The following EPB41L4A variants were observed in gnomAD, a reference collection of about 807,000 sequenced individuals.
The protein encoded by EPB41L4A is band 4.1-like protein 4A.
A neutral mutation model predicts 108.6 loss-of-function variants in EPB41L4A; 100 were observed. The observed-to-expected ratio is 0.92, with a 90% CI of 0.78 to 1.09. The LOEUF is 1.09. Among genes scored for constraint, EPB41L4A ranks in the 50% least tolerant of loss-of-function variants. The pLI is 0.00. For missense variants in EPB41L4A, 1,030 were observed against 842.7 expected, an observed-to-expected ratio of 1.22 and a Z score of -2.75; for synonymous variants, 319 against 289.0, an observed-to-expected ratio of 1.10 and a Z score of -1.05.
intron 1 of EPB41L4A, among the ~76,000 whole-genome samples, chr5:112,384,302 T>G (rs958018740): frequency 6.6e-6 from 1 of 152,210 alleles, no homozygotes; most frequent in Non-Finnish European, 1.5e-5. Context: ...TAGATGACTA[T>G]TCTGAAAAGG....
intron 1 of EPB41L4A, among the ~76,000 whole-genome samples, chr5:112,313,937 C>T (rs570783305): frequency 1.2e-4 from 17 of 145,172 alleles, no homozygotes; most frequent in African/African-American, 4.4e-4. Context: ...AATCTCCGCT[C>T]ACTGCAAGCT....
intron 12 of EPB41L4A, among the ~76,000 whole-genome samples, chr5:112,155,106 A>G (rs1759603770): frequency 6.6e-6 from 1 of 152,174 alleles, no homozygotes; most frequent in Non-Finnish European, 1.5e-5. Context: ...TTAAAAGTGG[A>G]ATTTTTTAAT....
At chr5:112,365,223 T>A (rs1334005979) in intron 1 of EPB41L4A, among the ~76,000 whole-genome samples, 2 of 152,196 alleles carry the variant, frequency 1.3e-5, no homozygotes, top group Non-Finnish European at 2.9e-5. Context: ...AGGGTCTCGC[T>A]ACATGGCCCA....
At chr5:112,322,760 T>C (rs777926583) in intron 1 of EPB41L4A, among the ~76,000 whole-genome samples, 21 of 151,672 alleles carry the variant, frequency 1.4e-4, no homozygotes, top group Non-Finnish European at 3.1e-4. Context: ...CACACCTGTC[T>C]TCCACTACTT....
intron 9 of EPB41L4A, among the ~76,000 whole-genome samples, chr5:112,254,899 T>C (rs1750962951): frequency 6.6e-6 from 1 of 152,094 alleles, no homozygotes; most frequent in African/African-American, 2.4e-5. Context: ...TGTTCTCTCA[T>C]ATGTCCTTCA....
chr5:112,418,897 C>A (rs1162191804), intron 1 of EPB41L4A, 44 bp downstream of exon 1: 1 of 1,514,694 alleles, frequency 6.6e-7, no homozygotes, highest in Non-Finnish European at 9.2e-7. Context: ...CCCCCGCACC[C>A]GCCCTGCCGC....
At chr5:112,216,742 G>T (rs1747670591) in intron 12 of EPB41L4A, among the ~76,000 whole-genome samples, 1 of 152,114 alleles carries the variant, frequency 6.6e-6, no homozygotes, top group Admixed American at 6.6e-5. Flanking sequence ...CAAAAGACAT[G>T]ATATTTGTGA....
At position 112,354,763 on chromosome 5, in the gene EPB41L4A, T is replaced by A. The variant is rs193034517; in HGVS notation, c.100-47273A>T. ...CCACAGATTAACAGTATATACTTTA[T>A]GATTCACAATTGATCTAGTTCAAAC... is the stretch of plus-strand genomic sequence containing the variant. On this transcript the variant is annotated intron_variant, in intron 1 of 22. Transcript: ENST00000261486. Among the ~76,000 whole-genome samples, 19 of 152,348 alleles carry A rather than the reference T, an allele frequency of 1.2e-4. No individual in the cohort carries two copies. The East Asian group carries it at 2.9e-3, about 23-fold the overall frequency.
At chr5:112,361,281 G>C (rs924987948) in intron 1 of EPB41L4A, among the ~76,000 whole-genome samples, 2 of 152,070 alleles carry the variant, frequency 1.3e-5, no homozygotes, top group African/African-American at 4.8e-5. Flanking sequence ...GATTAAGGGC[G>C]GTGCAAGATG....
intron 2 of EPB41L4A, among the ~76,000 whole-genome samples, chr5:112,286,540 T>A (rs567061629): frequency 2.6e-4 from 40 of 152,280 alleles, no homozygotes; most frequent in Admixed American, 2.0e-3. Flanking sequence ...TCACTGAAAA[T>A]GGAAACAATC....
chr5:112,184,624 G>C (rs777503565), intron 17 of EPB41L4A, among the ~76,000 whole-genome samples: 11 of 152,136 alleles, frequency 7.2e-5, no homozygotes, highest in Non-Finnish European at 1.3e-4. Flanking sequence ...GAGAAATCTA[G>C]AAGTACAAAA....
At chr5:112,371,415 G>A (rs1759487375) in intron 1 of EPB41L4A, among the ~76,000 whole-genome samples, 1 of 152,084 alleles carries the variant, frequency 6.6e-6, no homozygotes. Context: ...CAAAACATCT[G>A]GTAGCACCAA....
intron 1 of EPB41L4A, among the ~76,000 whole-genome samples, chr5:112,404,580 T>C (rs1761973608): frequency 6.6e-6 from 1 of 152,186 alleles, no homozygotes; most frequent in African/African-American, 2.4e-5. Context: ...AGCTAGGAAA[T>C]GAAGGAGCTG....
Position 112,151,416 on chromosome 5 carries a change from A to T in EPB41L4A, n.995-5418T>A, listed in dbSNP as rs920068220. Among the ~76,000 whole-genome samples the T allele has an allele frequency of 5.3e-5, 8 of 149,980 alleles. No individual in the cohort carries two copies. In the East Asian group the frequency reaches 1.6e-3, roughly 29 times the overall value. Reference sequence around the variant, plus strand: ...TATATTTGTATATTATTTTATTTTTATTTATTTTTGAGACAGAGTCCTGTT... The same window carrying T: ...TATATTTGTATATTATTTTATTTTTTTTTATTTTTGAGACAGAGTCCTGTT... On this transcript the variant is annotated intron_variant and non_coding_transcript_variant, in intron 12 of 13. Transcript: ENST00000507810.
chr5:112,195,754 T>C (rs1011454041), intron 15 of EPB41L4A, 46 bp from the exon 16 acceptor site: 7 of 1,557,370 alleles, frequency 4.5e-6, no homozygotes, highest in Non-Finnish European at 6.2e-6. Flanking sequence ...AGATTATCAA[T>C]TGGCTAAGGA....
In EPB41L4A at chr5:112,306,837, T is replaced by C. The variant is rs2150577724; in HGVS notation, c.204+549A>G. ...CTGGAAGACCCTCTGAATTAACCTT[T>C]GTGAACAACTGACATAAGAACTAAA... On this transcript the variant is annotated intron_variant, in intron 2 of 22. Coordinates refer to ENST00000261486, the MANE Select transcript of EPB41L4A (RefSeq NM_022140.5). 2.0e-5 allele frequency among the ~76,000 whole-genome samples: 3 copies of C among 152,260 alleles called. 1 individual carries two copies. Among genetic ancestry groups the C allele is most frequent in the Admixed American group, 2.0e-4 (3 of 15,278 alleles).
chr5:112,145,064 C>T (rs768514239), intron 13 of EPB41L4A, among the ~76,000 whole-genome samples: 1 of 152,098 alleles, frequency 6.6e-6, no homozygotes, highest in Non-Finnish European at 1.5e-5. Context: ...CCGAGGTGGG[C>T]GTATCACTTG....
At chr5:112,417,733 T>C (rs1312420508) in intron 1 of EPB41L4A, among the ~76,000 whole-genome samples, 6 of 152,182 alleles carry the variant, frequency 3.9e-5, no homozygotes, top group African/African-American at 1.4e-4. Flanking sequence ...GGGGAAACAA[T>C]ATTCAAAACA....
chr5:112,369,269 C>A (rs868417033), intron 1 of EPB41L4A, among the ~76,000 whole-genome samples: 1 of 152,176 alleles, frequency 6.6e-6, no homozygotes, highest in South Asian at 2.1e-4. Context: ...TTCCCCTGTA[C>A]CAGTTCAATT....
Sources: gnomAD v4.1 joint callset for allele counts (sites outside exome capture counted in the v4.1 genomes callset) on GRCh38, gnomAD v4.1.1 for gene constraint, MANE v1.5 for transcripts, NCBI Gene and HGNC (gene_info 2026-07-23, HGNC 2026-07-21) for gene names.